IL1RAPL1: variants seen among roughly 807,000 people sequenced by gnomAD.
The protein encoded by IL1RAPL1 is interleukin 1 receptor accessory protein like 1, also known as interleukin-1 receptor accessory protein-like 1.
In IL1RAPL1, 3 loss-of-function variants were observed where a neutral mutation model predicts 48.4. The observed-to-expected ratio is 0.06, with a 90% CI of 0.03 to 0.16. The LOEUF (loss-of-function observed/expected upper bound fraction) is 0.16. Among genes scored for constraint, IL1RAPL1 ranks in the 10% least tolerant of loss-of-function variants. The pLI, the probability that IL1RAPL1 is intolerant of heterozygous loss-of-function variation, is 1.00. For missense variants in IL1RAPL1, 349 were observed against 530.6 expected (o/e 0.66, Z 3.36); for synonymous variants, 185 against 187.7 (o/e 0.99, Z 0.12).
rs141139685 is a variant in IL1RAPL1, at chrX:28,799,130, G to A, written c.82+9705G>A. 5.4e-3 allele frequency among the ~76,000 whole-genome samples: 598 copies of A among 111,533 alleles called. 10 individuals are homozygous for A. Among genetic ancestry groups the A allele is most frequent in the Admixed American group, 0.039 (412 of 10,462 alleles). On this transcript the variant is annotated intron_variant, in intron 2 of 10. Transcript: ENST00000378993. ...AATTGAAATAGATGATCAATTAGAT[G>A]TGAGAGGTTATAAAGAAAGAGGTAA...
intron 6 of IL1RAPL1, among the ~76,000 whole-genome samples, chrX:29,912,072 AT>A (rs930999202): frequency 2.7e-5 from 3 of 111,606 alleles, no homozygotes; most frequent in African/African-American, 9.8e-5. Flanking sequence ...TTTGTTTTTA[AT>A]TTTTTTTGTA....
At chrX:29,587,004 C>T (rs755513736) in intron 5 of IL1RAPL1, among the ~76,000 whole-genome samples, 2 of 110,205 alleles carry the variant, frequency 1.8e-5, no homozygotes, top group East Asian at 2.9e-4. Flanking sequence ...GATTTGGATG[C>T]TTTTTGTTTC....
chrX:29,902,943 ATGT>A (rs1425499809), intron 6 of IL1RAPL1, among the ~76,000 whole-genome samples: 2 of 111,438 alleles, frequency 1.8e-5, no homozygotes, highest in African/African-American at 6.5e-5. Context: ...ATTTGAGCAG[ATGT>A]TGTTATATCT....
intron 2 of IL1RAPL1, among the ~76,000 whole-genome samples, chrX:28,810,231 T>A (rs574808498): frequency 8.2e-5 from 9 of 110,306 alleles, no homozygotes; most frequent in Middle Eastern, 4.6e-3. Context: ...GAAAACCATT[T>A]GCCTGGATGA....
At chrX:28,946,769 T>C (rs1192770857) in intron 2 of IL1RAPL1, among the ~76,000 whole-genome samples, 1 of 111,434 alleles carries the variant, frequency 9.0e-6, no homozygotes, top group Non-Finnish European at 1.9e-5. Flanking sequence ...GAAGGCAGTG[T>C]CCATATGTTT....
Position 28,898,682 on chromosome X carries a change from T to C in IL1RAPL1, c.82+109257T>C, listed in dbSNP as rs73631624. ...AGGACTGGTGCTCCTCAAACTTAAA[T>C]GTTAGTAAGAATCACCTGAGGTTCT... On this transcript the variant is annotated intron_variant, in intron 2 of 10. Transcript: ENST00000378993. Among the ~76,000 whole-genome samples, 1,094 of 111,910 alleles carry C rather than the reference T, an allele frequency of 9.8e-3. 12 individuals are homozygous for C. Among genetic ancestry groups the C allele is most frequent in the African/African-American group, 0.033 (1,026 of 30,760 alleles).
chrX:28,920,510 TGCA>T (rs1273131170), intron 2 of IL1RAPL1, among the ~76,000 whole-genome samples: 3 of 111,622 alleles, frequency 2.7e-5, no homozygotes, highest in Admixed American at 1.9e-4. Flanking sequence ...TGGTAGCATT[TGCA>T]GCAGCAGCAG....
chrX:29,148,459 T>C (rs1232650678), intron 2 of IL1RAPL1, among the ~76,000 whole-genome samples: 1 of 112,186 alleles, frequency 8.9e-6, no homozygotes, highest in African/African-American at 3.2e-5. Context: ...TCAATTTATT[T>C]AGAGTGAAAA....
At chrX:29,915,714 C>CTTTTTTTTTTTTTTTTTTGTGTATTTTTT (rs1932792603) in intron 6 of IL1RAPL1, among the ~76,000 whole-genome samples, 1 of 54,311 alleles carries the variant, frequency 1.8e-5, no homozygotes, top group Non-Finnish European at 3.4e-5. Flanking sequence ...TGGTAATATT[C>CTTTTTTTTTTTTTTTTTTGTGTATTTTTT]TTTTTTTTTT....
At chrX:28,885,572 C>G (rs1003247249) in intron 2 of IL1RAPL1, among the ~76,000 whole-genome samples, 2 of 111,721 alleles carry the variant, frequency 1.8e-5, no homozygotes, top group Non-Finnish European at 3.8e-5. Flanking sequence ...TTAATTTTAA[C>G]ATATGTTTAA....
At chrX:28,903,412 T>C (rs1442667826) in intron 2 of IL1RAPL1, among the ~76,000 whole-genome samples, 1 of 82,532 alleles carries the variant, frequency 1.2e-5, no homozygotes, top group Non-Finnish European at 2.3e-5. Context: ...CAGTCATGTA[T>C]TTTCTTTCTT....
At chrX:29,143,744 G>A (rs976161970) in intron 2 of IL1RAPL1, among the ~76,000 whole-genome samples, 15 of 111,905 alleles carry the variant, frequency 1.3e-4, no homozygotes, top group Admixed American at 4.7e-4. Context: ...TTTATTATTC[G>A]TTGTTAATAT....
chrX:29,323,716 TATATATATA>T, intron 3 of IL1RAPL1, among the ~76,000 whole-genome samples: 3 of 3,798 alleles, frequency 7.9e-4, no homozygotes, highest in Non-Finnish European at 1.1e-3. Flanking sequence ...GAATTTTTTA[TATATATATA>T]TATATATATA....
At chrX:29,205,980 C>T (rs1221673174) in intron 2 of IL1RAPL1, among the ~76,000 whole-genome samples, 4 of 109,953 alleles carry the variant, frequency 3.6e-5, no homozygotes, top group African/African-American at 1.3e-4. Flanking sequence ...ACCTCGTGAT[C>T]TACCCACCTC....
At chrX:29,078,179 A>T (rs1278918799) in intron 2 of IL1RAPL1, among the ~76,000 whole-genome samples, 2 of 111,794 alleles carry the variant, frequency 1.8e-5, no homozygotes, top group Non-Finnish European at 3.8e-5. Context: ...AGCTGAGGCA[A>T]GAGAATCACT....
chrX:28,875,249 T>A (rs62587526), intron 2 of IL1RAPL1, among the ~76,000 whole-genome samples: 3 of 111,766 alleles, frequency 2.7e-5, no homozygotes, highest in Admixed American at 9.5e-5. Context: ...CATTGACTTT[T>A]AGATTATGGA....
At chrX:28,954,815 A>G (rs1001280367) in intron 2 of IL1RAPL1, among the ~76,000 whole-genome samples, 17 of 111,865 alleles carry the variant, frequency 1.5e-4, no homozygotes, top group East Asian at 5.6e-4. Flanking sequence ...AAGTGAAGTT[A>G]GAAGTGATAA....
intron 2 of IL1RAPL1, among the ~76,000 whole-genome samples, chrX:28,863,682 C>T (rs1922007813): frequency 9.0e-6 from 1 of 111,108 alleles, no homozygotes; most frequent in African/African-American, 3.3e-5. Context: ...ACTACTATAC[C>T]TAGATTTCAA....
chrX:28,596,759 T>C (rs1569135289), intron 1 of IL1RAPL1, among the ~76,000 whole-genome samples: 1 of 112,264 alleles, frequency 8.9e-6, no homozygotes, highest in African/African-American at 3.2e-5. Flanking sequence ...TTTTTATTTG[T>C]ATTATTTTTA....
Sources: gnomAD v4.1 joint callset for allele counts (sites outside exome capture counted in the v4.1 genomes callset) on GRCh38, gnomAD v4.1.1 for gene constraint, MANE v1.5 for transcripts, NCBI Gene and HGNC (gene_info 2026-07-23, HGNC 2026-07-21) for gene names.